The following DNAAF1 variants were observed in gnomAD, a reference collection of about 807,000 sequenced individuals.
DNAAF1 encodes the protein dynein axonemal assembly factor 1.
Under a neutral mutation model 71.1 loss-of-function variants are expected in DNAAF1, and 65 were observed. That is an observed-to-expected ratio of 0.91 (90% CI 0.75 to 1.12). The LOEUF is 1.12. Ranked by LOEUF, DNAAF1 falls within the 50% of genes most tolerant of loss-of-function variation. The pLI is 0.00. For synonymous variants in DNAAF1, 414 were observed against 354.6 expected (o/e 1.17, Z -1.88); for missense variants, 1,178 against 899.8 (o/e 1.31, Z -3.96).
intron 1 of DNAAF1, among the ~76,000 whole-genome samples, chr16:84,146,704 C>T (rs776671075): frequency 1.5e-4 from 23 of 151,812 alleles, no homozygotes; most frequent in South Asian, 4.2e-4. Flanking sequence ...AAGATCACAC[C>T]ACTGCACCCC....
At chr16:84,156,238 C>T (rs1399949932) in intron 5 of DNAAF1, among the ~76,000 whole-genome samples, 1 of 152,250 alleles carries the variant, frequency 6.6e-6, no homozygotes, top group Non-Finnish European at 1.5e-5. Context: ...GCTGGGATTA[C>T]AGGCAAGAGC....
Position 84,160,896 on chromosome 16 carries a change from C to T in DNAAF1, c.863+1100C>T, listed in dbSNP as rs151114287. ...AGCTTGCAGTGAGCTGAGATCGCGC[C>T]ACTGCACTCCAGCCTGGGCAACAGA... is the stretch of plus-strand genomic sequence containing the variant. On this transcript the variant is annotated intron_variant, in intron 6 of 11. Coordinates refer to ENST00000378553, the MANE Select transcript of DNAAF1 (RefSeq NM_178452.6). Among the ~76,000 whole-genome samples the T allele has an allele frequency of 7.7e-3, 1,164 of 150,344 alleles. 13 individuals are homozygous for T. Among genetic ancestry groups the T allele is most frequent in the Middle Eastern group, 0.014 (4 of 294 alleles).
chr16:84,145,953 T>C (rs2086882241), intron 1 of DNAAF1, among the ~76,000 whole-genome samples: 1 of 151,822 alleles, frequency 6.6e-6, no homozygotes, highest in Non-Finnish European at 1.5e-5. Context: ...AAAAATGAGC[T>C]GGGCGTGGTG....
Position 84,159,712 on chromosome 16 carries a change from A to G in DNAAF1, c.779A>G (p.Gln260Arg), listed in dbSNP as rs1349952721. 6.2e-7 allele frequency: 1 copy of G among 1,614,094 alleles called. No homozygotes were observed. The highest frequency in any genetic ancestry group is 1.7e-5 in the Admixed American group (1 of 60,030). Residue 260 changes from glutamine to arginine, a missense_variant, in exon 6 of 12, where the codon CAG (glutamine) becomes CGG (arginine). Transcript: ENST00000378553. ...LNLMGNPVIR[Q>R]IPNYRRTVTV... The stretch of plus-strand genomic sequence containing the variant: ...TTGATGGGAAACCCGGTTATCAGAC[A>G]GATTCCTAATTACAGAAGGACAGTC...
intron 9 of DNAAF1, chr16:84,173,329 TGATG>T (rs2088469149): frequency 1.6e-6 from 1 of 618,430 alleles, no homozygotes; most frequent in Non-Finnish European, 2.0e-6. Context: ...CCAGGTGTGG[TGATG>T]GGCACCTGTA....
intron 8 of DNAAF1, among the ~76,000 whole-genome samples, chr16:84,171,929 G>C (rs555540899): frequency 1.2e-4 from 18 of 150,562 alleles, no homozygotes; most frequent in Admixed American, 2.7e-4. Context: ...CCAGGCTGGA[G>C]TGCAGTGGCA....
intron 2 of DNAAF1, 67 bp from the exon 3 acceptor site, chr16:84,150,184 A>G (rs376749834): frequency 1.6e-6 from 2 of 1,213,784 alleles, no homozygotes; most frequent in East Asian, 2.3e-5. Context: ...GTGGTAAAGA[A>G]CTGTGAGAAT....
chr16:84,169,892 T>C lies in DNAAF1; in HGVS notation c.1064T>C (p.Val355Ala), dbSNP rs752401333. Residue 355 changes from valine (V) to alanine (A), a missense_variant, in exon 8 of 12, where the codon GTG becomes GCG. Transcript: ENST00000378553. Reference sequence around the variant, plus strand: ...ACATCTTCAGATGATGGTGAGAATGTGCCCGCCAGTGCGGAAGGCAAGGAG... The same window carrying C: ...ACATCTTCAGATGATGGTGAGAATGCGCCCGCCAGTGCGGAAGGCAAGGAG... ...EMTSSDDGEN[V>A]PASAEGKEEP... 3 of 1,614,038 alleles carry C rather than the reference T, an allele frequency of 1.9e-6. No individual in the cohort carries two copies. Among genetic ancestry groups the C allele is most frequent in the Non-Finnish European group, 1.7e-6 (2 of 1,180,044 alleles).
chr16:84,172,268 C>G lies in DNAAF1; in HGVS notation c.1537C>G (p.Pro513Ala). Residue 513 changes from proline (P) to alanine (A), a missense_variant, in exon 9 of 12, where the codon CCC (proline) becomes GCC (alanine). Transcript: ENST00000378553. ...PLGAAREEPT[P>A]QAVATEGVFV... is the part of the protein sequence containing the mutation. ...TTGTTGTTGCTCTTTAGAACCGACT[C>G]CCCAGGCTGTGGCCACTGAGGGTGT... 1 of 1,613,956 alleles carries G rather than the reference C, an allele frequency of 6.2e-7. No homozygotes were observed. Among genetic ancestry groups the G allele is most frequent in the Non-Finnish European group, 8.5e-7 (1 of 1,179,964 alleles).
Position 84,145,313 on chromosome 16 carries a change from G to C in DNAAF1, c.-128G>C, listed in dbSNP as rs140245131. On this transcript the variant is annotated 5_prime_UTR_variant, in exon 1 of 12. Coordinates refer to ENST00000378553, the MANE Select transcript of DNAAF1 (RefSeq NM_178452.6). Reference sequence around the variant, plus strand: ...GACCGGGGAAGCGTTGGGCTGTAAAGACTAGGGCGCCAGCGGCTGGCGAAG... The same window carrying C: ...GACCGGGGAAGCGTTGGGCTGTAAACACTAGGGCGCCAGCGGCTGGCGAAG... 24,774 of 1,486,218 alleles carry C rather than the reference G, an allele frequency of 0.017. 261 individuals carry two copies. Among genetic ancestry groups the C allele is most frequent in the Non-Finnish European group, 0.019 (21,144 of 1,103,932 alleles). The allele number at this position is 1,486,218 out of a possible 1,614,324, so 92.1% of individuals were successfully genotyped here. A position where few individuals can be genotyped will look rare whatever the true frequency, so the allele number is the denominator to read the frequency against.
At position 84,176,117 on chromosome 16, in the gene DNAAF1, A is replaced by C; in HGVS notation, c.1883A>C (p.Glu628Ala). 2 of 1,613,964 alleles carry C rather than the reference A, an allele frequency of 1.2e-6. No homozygotes were observed. The highest frequency in any genetic ancestry group is 1.7e-6 in the Non-Finnish European group (2 of 1,179,946). The change falls in exon 11 of 12, where the codon GAA becomes GCA. Residue 628 changes from glutamate to alanine, a missense_variant. By Grantham distance (107) the Glu-to-Ala change is moderately radical (BLOSUM62 -1). Transcript: ENST00000378553. ...CCCTTCACAGACATCTTTAAAAAAG[A>C]AGCTAAGAGGGACTTGGAAATCCGA... ...RVPFTDIFKK[E>A]AKRDLEIRKQ...
chr16:84,159,320 A>G, intron 5 of DNAAF1: 2 of 936,090 alleles, frequency 2.1e-6, no homozygotes, highest in Non-Finnish European at 2.7e-6. Context: ...GAAAACAATC[A>G]ATTAGGCAGA....
Position 84,149,195 on chromosome 16 carries a change from G to T in DNAAF1, c.260+53G>T, listed in dbSNP as rs1014232323. On this transcript the variant is annotated intron_variant, in intron 2 of 11. Coordinates refer to ENST00000378553, the MANE Select transcript of DNAAF1 (RefSeq NM_178452.6). ...ACATTTATGGAGTAAGGTAGATGGC[G>T]TAATCACCCCCTTGTACGGATAATG... is the stretch of plus-strand genomic sequence containing the variant. 4 of 1,602,948 alleles carry T rather than the reference G, an allele frequency of 2.5e-6. No homozygotes were observed. The East Asian group carries it at 8.9e-5, about 36-fold the overall frequency.
At chr16:84,170,592 G>T (rs4575519) in intron 8 of DNAAF1, among the ~76,000 whole-genome samples, 1 of 152,006 alleles carries the variant, frequency 6.6e-6, no homozygotes, top group Non-Finnish European at 1.5e-5. Flanking sequence ...AAGGAACTTT[G>T]GGAGGCCAAG....
In DNAAF1 at chr16:84,154,611, A is replaced by G; in HGVS notation, c.387A>G (p.Thr129=). The G allele has an allele frequency of 6.2e-7, 1 of 1,614,178 alleles. No individual in the cohort carries two copies. The highest frequency in any genetic ancestry group is 8.5e-7 in the Non-Finnish European group (1 of 1,180,038). ...GCATTGAGAACCTGGAAGAGTACAC[A>G]GGGCTGCGCTGTCTCTGGCTGCAGA... The part of the protein sequence containing the change: ...FDRIENLEEY[T]GLRCLWLQSN... Residue 129 remains threonine (T), a synonymous_variant, in exon 4 of 12, where the codon ACA becomes ACG. Coordinates refer to ENST00000378553, the MANE Select transcript of DNAAF1 (RefSeq NM_178452.6).
At chr16:84,162,590 G>T (rs1008574414) in intron 6 of DNAAF1, among the ~76,000 whole-genome samples, 1 of 151,970 alleles carries the variant, frequency 6.6e-6, no homozygotes, top group Non-Finnish European at 1.5e-5. Flanking sequence ...GGAGGCGGGG[G>T]CGGGCAGATC....
chr16:84,154,805 G>A lies in DNAAF1; in HGVS notation c.574+7G>A. ...AAGACCATTGAAAACCTCTGTAAGG[G>A]TACCCAGCAAGCAGTGTGTCTGTTT... On this transcript the variant is annotated splice_region_variant and intron_variant, in intron 4 of 11. Transcript: ENST00000378553. 1 of 1,608,166 alleles carries A rather than the reference G, an allele frequency of 6.2e-7. No homozygotes were observed. The highest frequency in any genetic ancestry group is 8.5e-7 in the Non-Finnish European group (1 of 1,174,660).
chr16:84,172,676 T>C (rs2088426948), intron 9 of DNAAF1: 1 of 1,243,658 alleles, frequency 8.0e-7, no homozygotes, highest in Non-Finnish European at 1.0e-6. Flanking sequence ...GATTCCTTTT[T>C]GCCAAAGAAG....
chr16:84,153,537 CGA>C (rs1390294401), intron 3 of DNAAF1, among the ~76,000 whole-genome samples: 1 of 152,050 alleles, frequency 6.6e-6, no homozygotes, highest in Non-Finnish European at 1.5e-5. Context: ...GCTTGGAAGG[CGA>C]GAGAGAAAAA....
Sources: allele counts gnomAD v4.1 joint callset (sites outside exome capture counted in the v4.1 genomes callset), GRCh38; gene constraint gnomAD v4.1.1; transcripts MANE v1.5; gene names NCBI Gene and HGNC (gene_info 2026-07-23, HGNC 2026-07-21).